Variants in ELP1 observed in about 807,000 individuals in gnomAD.
ELP1 encodes the protein elongator acetyltransferase complex subunit 1, also known as elongator complex protein 1.
In ELP1, 131 loss-of-function variants were observed where a neutral mutation model predicts 183.2. The ratio of observed to expected loss-of-function variants is 0.72; its 90% CI spans 0.62 to 0.83. The LOEUF is 0.83. ELP1 is among the 40% of genes least tolerant of loss of function. ELP1 has a pLI of 0.00. For missense variants in ELP1, 1,550 were observed against 1,594.9 expected, an observed-to-expected ratio of 0.97 and a Z score of 0.48; for synonymous variants, 555 against 569.0, an observed-to-expected ratio of 0.98 and a Z score of 0.35.
rs956635374 is a variant in ELP1 at position 108,918,619 on chromosome 9, G to A, written c.740+192C>T. Among the ~76,000 whole-genome samples, 9 of 150,406 alleles carry A rather than the reference G, an allele frequency of 6.0e-5. No homozygotes were observed. The South Asian group carries it at 1.7e-3, about 28-fold the overall frequency. On this transcript the variant is annotated intron_variant, in intron 8 of 36. Coordinates refer to ENST00000374647, the MANE Select transcript of ELP1 (RefSeq NM_003640.5). ...TGAAGAAGCGTAAAATCTACTATTC[G>A]AGTTGAATTCAGACTTCAGGGAATA... is the stretch of plus-strand genomic sequence containing the variant.
chr9:108,893,898 A>G, intron 26 of ELP1, 45 bp downstream of exon 26: 1 of 1,609,376 alleles, frequency 6.2e-7, no homozygotes, highest in Non-Finnish European at 8.5e-7. Context: ...CCTAGTTCCA[A>G]AGAAGATCTG....
chr9:108,889,501 T>G (rs1828244192), intron 28 of ELP1, 108 bp from the exon 29 acceptor site: 1 of 1,012,438 alleles, frequency 9.9e-7, no homozygotes, highest in Non-Finnish European at 1.6e-6. Flanking sequence ...CTTTCTGAAT[T>G]TCTGTGAGGG....
intron 30 of ELP1, 58 bp from the exon 31 acceptor site, chr9:108,881,823 A>C: frequency 9.6e-7 from 1 of 1,038,168 alleles, no homozygotes; most frequent in Non-Finnish European, 1.5e-6. Context: ...TGGAGAGTTA[A>C]GATACTTAGA....
In ELP1 at chr9:108,918,750, T is replaced by C. The variant is rs138124215; in HGVS notation, c.740+61A>G. The C allele has an allele frequency of 4.9e-4, 549 of 1,120,428 alleles. 2 individuals are homozygous for C. The African/African-American group carries it at 7.6e-3, about 15-fold the overall frequency. 69.4% of individuals were successfully genotyped at this position (1,120,428 alleles called of 1,614,324 possible). On this transcript the variant is annotated intron_variant, in intron 8 of 36. Transcript: ENST00000374647. Reference sequence around the variant, plus strand: ...CAAACATCTGTATCATCTGTATCCATGTGTACCACCACCTCTACTCTGGTT... The same window carrying C: ...CAAACATCTGTATCATCTGTATCCACGTGTACCACCACCTCTACTCTGGTT...
chr9:108,886,978 A>G (rs547414967), intron 29 of ELP1, among the ~76,000 whole-genome samples: 6 of 151,650 alleles, frequency 4.0e-5, no homozygotes, highest in Admixed American at 2.6e-4. Context: ...GGAGGCTGAG[A>G]CAGGCGAATT....
chr9:108,903,816 C>A (rs1828912156), intron 14 of ELP1, 147 bp from the exon 15 acceptor site: 2 of 638,042 alleles, frequency 3.1e-6, no homozygotes, highest in Non-Finnish European at 2.8e-6. Context: ...TATACACACC[C>A]AATACTATAC....
chr9:108,932,487 G>A (rs892319522), intron 1 of ELP1, among the ~76,000 whole-genome samples: 1 of 151,894 alleles, frequency 6.6e-6, no homozygotes, highest in African/African-American at 2.4e-5. Flanking sequence ...GATTACAGGC[G>A]CCCGGCACCA....
At chr9:108,879,217 G>T (rs555809678) in intron 33 of ELP1, among the ~76,000 whole-genome samples, 9 of 152,182 alleles carry the variant, frequency 5.9e-5, no homozygotes, top group African/African-American at 2.2e-4. Context: ...GAACTGCCTC[G>T]TGGGGAATGG....
At chr9:108,878,202 C>T in intron 34 of ELP1, 53 bp from the exon 35 acceptor site, 6 of 1,489,182 alleles carry the variant, frequency 4.0e-6, no homozygotes, top group Middle Eastern at 1.7e-4. Flanking sequence ...GCTCCATTGA[C>T]AGAATCATAC....
chr9:108,901,076 G>A (rs1454514172), intron 18 of ELP1, among the ~76,000 whole-genome samples: 2 of 152,090 alleles, frequency 1.3e-5, no homozygotes, highest in Non-Finnish European at 2.9e-5. Context: ...TGGAGGGTGG[G>A]CACAGTGGGA....
intron 31 of ELP1, among the ~76,000 whole-genome samples, chr9:108,880,431 G>A (rs749191829): frequency 3.7e-4 from 56 of 151,968 alleles, no homozygotes; most frequent in South Asian, 1.9e-3. Flanking sequence ...CTAAAGCAAG[G>A]GAGGATTGGC....
rs562272399 is a variant in ELP1, at chr9:108,912,982, G to A, written c.959-488C>T. Among the ~76,000 whole-genome samples, 416 of 151,496 alleles carry A rather than the reference G, an allele frequency of 2.7e-3. 3 individuals carry two copies. Among genetic ancestry groups the A allele is most frequent in the African/African-American group, 9.5e-3 (391 of 41,280 alleles). On this transcript the variant is annotated intron_variant, in intron 10 of 36. Transcript: ENST00000374647. ...TCACCGTGTTAGCCAGGATGGTCTTGATCTCCTGACCTTGTGATCCGCCTG... is the reference window on the plus strand; with the variant it reads ...TCACCGTGTTAGCCAGGATGGTCTTAATCTCCTGACCTTGTGATCCGCCTG...
intron 28 of ELP1, among the ~76,000 whole-genome samples, chr9:108,890,674 T>C (rs1276881327): frequency 6.6e-6 from 1 of 152,200 alleles, no homozygotes; most frequent in East Asian, 1.9e-4. Flanking sequence ...ATTTGGCCTT[T>C]TATTTTCCCC....
chr9:108,898,640 A>T, intron 21 of ELP1, 31 bp downstream of exon 21: 1 of 1,601,308 alleles, frequency 6.2e-7, no homozygotes, highest in East Asian at 2.2e-5. Context: ...GTACAAAGTA[A>T]GCTAGAGTAA....
intron 25 of ELP1, among the ~76,000 whole-genome samples, chr9:108,895,993 C>G (rs1454826806): frequency 6.6e-6 from 1 of 152,162 alleles, no homozygotes; most frequent in African/African-American, 2.4e-5. Flanking sequence ...CATGGTGGCC[C>G]ACACCTGTAA....
chr9:108,870,771 T>C (rs1381829199), intron 36 of ELP1, among the ~76,000 whole-genome samples: 3 of 152,208 alleles, frequency 2.0e-5, no homozygotes, highest in Non-Finnish European at 4.4e-5. Context: ...CCAAAGGCAG[T>C]CTTGAATAAT....
chr9:108,918,955 G>T, intron 7 of ELP1, 54 bp from the exon 8 acceptor site: 3 of 1,359,884 alleles, frequency 2.2e-6, no homozygotes, highest in South Asian at 2.3e-5. Context: ...TATGATAAAA[G>T]TTGTCAATTC....
At chr9:108,883,613 A>G (rs1470517585) in intron 29 of ELP1, among the ~76,000 whole-genome samples, 1 of 152,160 alleles carries the variant, frequency 6.6e-6, no homozygotes, top group Non-Finnish European at 1.5e-5. Flanking sequence ...TTCCTTAAAC[A>G]ATCATTGATC....
At chr9:108,883,671 T>A (rs146489252) in intron 29 of ELP1, among the ~76,000 whole-genome samples, 2,604 of 152,224 alleles carry the variant, frequency 0.017, 44 homozygotes, top group Non-Finnish European at 0.023. Flanking sequence ...AATACTCTTG[T>A]AAGGTTTTTA....
Sources: allele counts gnomAD v4.1 joint callset (sites outside exome capture counted in the v4.1 genomes callset), GRCh38; gene constraint gnomAD v4.1.1; transcripts MANE v1.5; gene names NCBI Gene and HGNC (gene_info 2026-07-23, HGNC 2026-07-21).